PDE7B: variants seen among roughly 807,000 people sequenced by gnomAD.
The protein encoded by PDE7B is 3',5'-cyclic-AMP phosphodiesterase 7B.
PDE7B carries 29 observed loss-of-function variants against 56.2 expected under a neutral mutation model. The observed-to-expected ratio is 0.52, with a 90% CI of 0.38 to 0.70. The LOEUF (loss-of-function observed/expected upper bound fraction) is 0.70, where lower values mean the gene tolerates loss of function less well. Ranked by LOEUF, PDE7B falls within the 30% of genes least tolerant of loss-of-function variation. The pLI is 0.00. For missense variants in PDE7B, 490 were observed against 565.0 expected (o/e 0.87, Z 1.35); for synonymous variants, 197 against 196.9 (o/e 1.00, Z 0.00).
At chr6:136,039,806 T>C (rs941658730) in intron 2 of PDE7B, among the ~76,000 whole-genome samples, 2 of 152,110 alleles carry the variant, frequency 1.3e-5, no homozygotes, top group Non-Finnish European at 2.9e-5. Flanking sequence ...CAGTGTTGCA[T>C]GTGAGTAGGG....
chr6:136,139,932 C>T (rs949842523), intron 3 of PDE7B, among the ~76,000 whole-genome samples: 4 of 152,150 alleles, frequency 2.6e-5, no homozygotes, highest in Admixed American at 2.6e-4. Context: ...CCTGTTCACT[C>T]TGATGGTAGT....
intron 1 of PDE7B, among the ~76,000 whole-genome samples, chr6:135,904,978 T>G (rs1443258711): frequency 6.6e-6 from 1 of 152,246 alleles, no homozygotes; most frequent in Non-Finnish European, 1.5e-5. Flanking sequence ...TCTGTGCAGT[T>G]GCACAGGGTC....
intron 8 of PDE7B, among the ~76,000 whole-genome samples, chr6:136,167,987 T>A (rs967450867): frequency 2.6e-5 from 4 of 152,132 alleles, no homozygotes; most frequent in Admixed American, 6.6e-5. Flanking sequence ...GAAAGCACAT[T>A]TGCCTTTGCC....
rs140960473 is a variant in PDE7B, at chr6:136,163,260, C to T, written c.711+7502C>T. Reference sequence around the variant, plus strand: ...GAAATCTAGGTGGAGGTTCTCAAACCTCAATTCTTGACTTCTGTGCACCCA... The same window carrying T: ...GAAATCTAGGTGGAGGTTCTCAAACTTCAATTCTTGACTTCTGTGCACCCA... On this transcript the variant is annotated intron_variant, in intron 8 of 12. Coordinates refer to ENST00000308191, the MANE Select transcript of PDE7B (RefSeq NM_018945.4). 2.9e-3 allele frequency among the ~76,000 whole-genome samples: 441 copies of T among 152,336 alleles called. 4 individuals are homozygous for T. The highest frequency in any genetic ancestry group is 9.7e-3 in the African/African-American group (402 of 41,572).
At chr6:135,956,991 A>C (rs1223643633) in intron 2 of PDE7B, among the ~76,000 whole-genome samples, 1 of 152,094 alleles carries the variant, frequency 6.6e-6, no homozygotes, top group Admixed American at 6.6e-5. Context: ...GTTTCTTAGG[A>C]TAGGAAGGAT....
intron 3 of PDE7B, among the ~76,000 whole-genome samples, chr6:136,130,526 G>C (rs1391873976): frequency 6.6e-6 from 1 of 152,130 alleles, no homozygotes; most frequent in Non-Finnish European, 1.5e-5. Flanking sequence ...TCTTTTTCTT[G>C]CTCATATTTT....
At chr6:136,148,942 G>A (rs1424518594) in intron 4 of PDE7B, 145 bp from the exon 5 acceptor site, 1 of 628,874 alleles carries the variant, frequency 1.6e-6, no homozygotes, top group Non-Finnish European at 2.9e-6. Flanking sequence ...TTTATTGTAG[G>A]ACATAGGGAA....
intron 1 of PDE7B, among the ~76,000 whole-genome samples, chr6:135,938,579 G>A (rs148622805): frequency 6.6e-6 from 1 of 152,174 alleles, no homozygotes. Flanking sequence ...CTAAAATGGA[G>A]CTTGTGCAGA....
chr6:136,144,830 A>G (rs1778388297), intron 3 of PDE7B, among the ~76,000 whole-genome samples: 1 of 152,148 alleles, frequency 6.6e-6, no homozygotes, highest in Non-Finnish European at 1.5e-5. Flanking sequence ...GCAGGAACAC[A>G]ATATGTGTGA....
intron 2 of PDE7B, among the ~76,000 whole-genome samples, chr6:136,082,235 A>G (rs1400947811): frequency 6.6e-6 from 1 of 152,196 alleles, no homozygotes; most frequent in East Asian, 1.9e-4. Context: ...ACCTCTCACC[A>G]TGGAGCTGTT....
intron 1 of PDE7B, among the ~76,000 whole-genome samples, chr6:135,924,080 C>T (rs895561746): frequency 6.6e-6 from 1 of 152,108 alleles, no homozygotes; most frequent in Non-Finnish European, 1.5e-5. Flanking sequence ...CACAGGCAAT[C>T]TCATTCAATT....
intron 2 of PDE7B, among the ~76,000 whole-genome samples, chr6:135,970,412 A>G (rs1775074119): frequency 6.7e-6 from 1 of 148,266 alleles, no homozygotes; most frequent in Admixed American, 6.9e-5. Context: ...GGAGGAGATG[A>G]GTTCAAAGAC....
intron 1 of PDE7B, among the ~76,000 whole-genome samples, chr6:135,928,040 A>G (rs1774220130): frequency 6.6e-6 from 1 of 152,166 alleles, no homozygotes; most frequent in Non-Finnish European, 1.5e-5. Flanking sequence ...AAAAATGCTC[A>G]TCATCAGTAA....
At chr6:136,096,851 G>T (rs995739622) in intron 2 of PDE7B, among the ~76,000 whole-genome samples, 1 of 151,762 alleles carries the variant, frequency 6.6e-6, no homozygotes, top group Admixed American at 6.6e-5. Context: ...ATGCCCAAAG[G>T]ACTATGCTTC....
rs960695374 is a variant in PDE7B, at chr6:135,906,213, A to G, written c.22-41251A>G. ...CATGTTAGGACAGTAAAAAGCTTGA[A>G]AAAGAAGCATTTTAGAGAACTTATT... On this transcript the variant is annotated intron_variant, in intron 1 of 12. Coordinates refer to ENST00000308191, the MANE Select transcript of PDE7B (RefSeq NM_018945.4). Among the ~76,000 whole-genome samples the G allele has an allele frequency of 2.0e-5, 3 of 152,314 alleles. No individual in the cohort carries two copies. In the South Asian group the frequency reaches 6.2e-4, roughly 32 times the overall value.
At chr6:135,907,359 CT>C (rs1776134079) in intron 1 of PDE7B, among the ~76,000 whole-genome samples, 1 of 152,096 alleles carries the variant, frequency 6.6e-6, no homozygotes, top group South Asian at 2.1e-4. Flanking sequence ...TGCCTTTCTA[CT>C]TGGATTCTCT....
intron 1 of PDE7B, among the ~76,000 whole-genome samples, chr6:135,938,812 C>G (rs1774461975): frequency 6.6e-6 from 1 of 152,144 alleles, no homozygotes; most frequent in South Asian, 2.1e-4. Context: ...CTATTGCCCT[C>G]TACTGTCTAG....
Position 136,107,816 on chromosome 6 carries a change from C to T in PDE7B, c.83-915C>T, listed in dbSNP as rs925797015. ...GCAGGACACATACTAAAAAGGAAAA[C>T]GAACACAGATATTAAATATTAAAGG... On this transcript the variant is annotated intron_variant, in intron 2 of 12. Coordinates refer to ENST00000308191, the MANE Select transcript of PDE7B (RefSeq NM_018945.4). 8.6e-5 allele frequency among the ~76,000 whole-genome samples: 13 copies of T among 152,004 alleles called. 1 individual carries two copies. The highest frequency in any genetic ancestry group is 3.9e-4 in the Admixed American group (6 of 15,248).
intron 2 of PDE7B, among the ~76,000 whole-genome samples, chr6:135,994,993 A>C (rs1309170521): frequency 6.6e-6 from 1 of 152,176 alleles, no homozygotes; most frequent in Non-Finnish European, 1.5e-5. Context: ...ATCAATAGTA[A>C]GCACTGGCTT....
Sources: gnomAD v4.1 joint callset for allele counts (sites outside exome capture counted in the v4.1 genomes callset) on GRCh38, gnomAD v4.1.1 for gene constraint, MANE v1.5 for transcripts, NCBI Gene and HGNC (gene_info 2026-07-23, HGNC 2026-07-21) for gene names.